KSR2: variants seen among roughly 807,000 people sequenced by gnomAD.
KSR2 encodes kinase suppressor of ras 2.
KSR2 carries 25 observed loss-of-function variants against 107.8 expected under a neutral mutation model. The ratio of observed to expected loss-of-function variants is 0.23; its 90% CI spans 0.17 to 0.32. KSR2 has a LOEUF of 0.32. KSR2 is among the 10% of genes least tolerant of loss of function. KSR2 has a pLI of 1.00. For synonymous variants in KSR2, 480 were observed against 507.0 expected (o/e 0.95, Z 0.71); for missense variants, 887 against 1,268.9 (o/e 0.70, Z 4.57).
intron 5 of KSR2, among the ~76,000 whole-genome samples, chr12:117,605,398 T>C (rs1881170117): frequency 1.3e-5 from 2 of 152,238 alleles, no homozygotes; most frequent in African/African-American, 4.8e-5. Context: ...TTTTATTTTA[T>C]TTTTTAAGTT....
At chr12:117,794,657 TCA>T (rs1566019613) in intron 3 of KSR2, among the ~76,000 whole-genome samples, 8 of 132,826 alleles carry the variant, frequency 6.0e-5, no homozygotes, top group Non-Finnish European at 1.3e-4. Context: ...CTCAAAACAC[TCA>T]CACCAATATG....
At chr12:117,587,437 A>G (rs1201718653) in intron 5 of KSR2, among the ~76,000 whole-genome samples, 3 of 152,094 alleles carry the variant, frequency 2.0e-5, no homozygotes, top group Non-Finnish European at 4.4e-5. Context: ...AAGGCACATA[A>G]CTAGAAAAGG....
At chr12:117,922,665 A>C (rs1566083129) in intron 1 of KSR2, among the ~76,000 whole-genome samples, 5 of 152,186 alleles carry the variant, frequency 3.3e-5, no homozygotes. Context: ...ACCTAAGCCA[A>C]ACACAAATAT....
intron 3 of KSR2, among the ~76,000 whole-genome samples, chr12:117,814,744 C>G (rs1187359132): frequency 6.6e-6 from 1 of 152,048 alleles, no homozygotes; most frequent in Non-Finnish European, 1.5e-5. Flanking sequence ...CAGCAGGATC[C>G]CTAGTTTGAG....
At chr12:117,591,268 C>T (rs1349247745) in intron 5 of KSR2, among the ~76,000 whole-genome samples, 2 of 152,148 alleles carry the variant, frequency 1.3e-5, no homozygotes, top group Non-Finnish European at 2.9e-5. Context: ...CCTCTCACTG[C>T]TTCTGTCTGG....
Position 117,456,456 on chromosome 12 carries a change from T to C in KSR2, c.*10743A>G, listed in dbSNP as rs1870625349. ...ATTACTTGTAACACATGTAGAAAAA[T>C]AAGCAGAGGAAAATGGCTAGAATCT... On this transcript the variant is annotated 3_prime_UTR_variant, in exon 20 of 20. Transcript: ENST00000339824. 6.6e-6 allele frequency: 1 copy of C among 152,124 alleles called. No homozygotes were observed. The highest frequency in any genetic ancestry group is 1.5e-5 in the Non-Finnish European group (1 of 68,040). 9.4% of individuals were successfully genotyped at this position (152,124 alleles called of 1,614,324 possible).
At chr12:117,665,241 A>G (rs1237849360) in intron 5 of KSR2, among the ~76,000 whole-genome samples, 1 of 152,134 alleles carries the variant, frequency 6.6e-6, no homozygotes, top group Non-Finnish European at 1.5e-5. Context: ...AGGCAAGCAG[A>G]AACGCTTTTC....
intron 1 of KSR2, among the ~76,000 whole-genome samples, chr12:117,914,689 C>T (rs541682220): frequency 6.6e-6 from 1 of 152,228 alleles, no homozygotes; most frequent in African/African-American, 2.4e-5. Context: ...CGTGTGCCAC[C>T]ACACCTGGCT....
intron 4 of KSR2, among the ~76,000 whole-genome samples, chr12:117,720,023 A>T (rs566471441): frequency 6.6e-6 from 1 of 152,266 alleles, no homozygotes; most frequent in Admixed American, 6.5e-5. Flanking sequence ...AGACAGAGTG[A>T]CTCAATAACT....
intron 5 of KSR2, among the ~76,000 whole-genome samples, chr12:117,629,785 T>C (rs1882721202): frequency 1.3e-5 from 2 of 152,192 alleles, no homozygotes; most frequent in African/African-American, 4.8e-5. Context: ...TAAGAACCAA[T>C]GTGTAAGTCT....
intron 5 of KSR2, among the ~76,000 whole-genome samples, chr12:117,621,637 C>T (rs1163823016): frequency 1.3e-4 from 20 of 152,094 alleles, no homozygotes; most frequent in Admixed American, 1.3e-3. Flanking sequence ...CAGACCTCCT[C>T]TTGTAATTTA....
intron 5 of KSR2, among the ~76,000 whole-genome samples, chr12:117,665,058 G>T (rs1438235918): frequency 6.6e-6 from 1 of 152,108 alleles, no homozygotes; most frequent in Non-Finnish European, 1.5e-5. Flanking sequence ...TCAGCTATTT[G>T]GGTTACACAC....
intron 1 of KSR2, among the ~76,000 whole-genome samples, chr12:117,892,301 T>C (rs1894371222): frequency 6.6e-6 from 1 of 152,160 alleles, no homozygotes; most frequent in Non-Finnish European, 1.5e-5. Context: ...CAAGACTCTG[T>C]CTCAAAAACA....
chr12:117,944,610 C>A (rs1355209247), intron 1 of KSR2, among the ~76,000 whole-genome samples: 2 of 151,964 alleles, frequency 1.3e-5, no homozygotes, highest in Non-Finnish European at 2.9e-5. Flanking sequence ...AATCCCAGCA[C>A]TTTGGGAGGC....
At chr12:117,579,569 C>A (rs1231754957) in intron 6 of KSR2, among the ~76,000 whole-genome samples, 1 of 152,178 alleles carries the variant, frequency 6.6e-6, no homozygotes, top group Admixed American at 6.5e-5. Context: ...TGGTGGCCTA[C>A]TATATGCCAA....
chr12:117,920,813 A>C (rs1895317541), intron 1 of KSR2, among the ~76,000 whole-genome samples: 1 of 152,132 alleles, frequency 6.6e-6, no homozygotes, highest in Non-Finnish European at 1.5e-5. Flanking sequence ...GGATTCAAGC[A>C]TAAAGATGCA....
chr12:117,893,373 A>G (rs990614346), intron 1 of KSR2, among the ~76,000 whole-genome samples: 3 of 152,174 alleles, frequency 2.0e-5, no homozygotes, highest in African/African-American at 7.2e-5. Flanking sequence ...TCTCCAAAGA[A>G]TCAGTGAGGC....
chr12:117,657,747 A>G (rs1310598757), intron 5 of KSR2, among the ~76,000 whole-genome samples: 1 of 152,210 alleles, frequency 6.6e-6, no homozygotes, highest in African/African-American at 2.4e-5. Flanking sequence ...AAAGGTTCAC[A>G]GTGCTGGACA....
At chr12:117,731,401 C>A (rs540928968) in intron 4 of KSR2, among the ~76,000 whole-genome samples, 82 of 147,420 alleles carry the variant, frequency 5.6e-4, no homozygotes, top group African/African-American at 1.9e-3. Context: ...GCAGCCGCCC[C>A]GTCCGGGAGG....
Sources: allele counts gnomAD v4.1 joint callset (sites outside exome capture counted in the v4.1 genomes callset), GRCh38; gene constraint gnomAD v4.1.1; transcripts MANE v1.5; gene names NCBI Gene and HGNC (gene_info 2026-07-23, HGNC 2026-07-21).